The following KCNH1 variants were observed in gnomAD, a reference collection of about 807,000 sequenced individuals.
The protein encoded by KCNH1 is potassium voltage-gated channel subfamily H member 1, also known as voltage-gated delayed rectifier potassium channel KCNH1.
In KCNH1, 27 loss-of-function variants were observed where a neutral mutation model predicts 69.2. The observed-to-expected ratio is 0.39, with a 90% CI of 0.29 to 0.54. The LOEUF is 0.54. Ranked by LOEUF, KCNH1 falls within the 20% of genes least tolerant of loss-of-function variation. KCNH1 has a pLI of 0.68. For synonymous variants in KCNH1, 456 were observed against 487.7 expected (o/e 0.93, Z 0.86); for missense variants, 798 against 1,261.6 (o/e 0.63, Z 5.57).
chr1:210,766,395 C>T (rs1448447669), intron 10 of KCNH1, among the ~76,000 whole-genome samples: 1 of 152,080 alleles, frequency 6.6e-6, no homozygotes, highest in African/African-American at 2.4e-5. Context: ...CATAGTGGCA[C>T]ATGCCTGTAA....
intron 10 of KCNH1, among the ~76,000 whole-genome samples, chr1:210,716,415 G>C (rs1682249763): frequency 8.2e-6 from 1 of 122,106 alleles, no homozygotes; most frequent in South Asian, 2.6e-4. Flanking sequence ...CTGGGCGACA[G>C]AGCAAGACTC....
chr1:211,016,360 T>A (rs1689491212), intron 6 of KCNH1, among the ~76,000 whole-genome samples: 1 of 152,198 alleles, frequency 6.6e-6, no homozygotes, highest in Admixed American at 6.5e-5. Flanking sequence ...CAATTTTTAA[T>A]AAGAATCTGT....
At chr1:210,944,126 G>T (rs1253275894) in intron 6 of KCNH1, among the ~76,000 whole-genome samples, 1 of 152,150 alleles carries the variant, frequency 6.6e-6, no homozygotes, top group Non-Finnish European at 1.5e-5. Context: ...CCTAGCTCGG[G>T]TCACTCTGCA....
At chr1:210,880,030 A>G (rs1686462169) in intron 7 of KCNH1, among the ~76,000 whole-genome samples, 1 of 152,164 alleles carries the variant, frequency 6.6e-6, no homozygotes, top group Non-Finnish European at 1.5e-5. Flanking sequence ...TTATAACTCA[A>G]ACGAATGTGT....
At chr1:210,688,883 A>C (rs1018411562) in intron 10 of KCNH1, among the ~76,000 whole-genome samples, 2 of 152,160 alleles carry the variant, frequency 1.3e-5, no homozygotes, top group Non-Finnish European at 2.9e-5. Flanking sequence ...GTGATAGAAA[A>C]CTACTCTGTT....
chr1:210,806,836 A>AATATATATATATATAT (rs1553346590), intron 7 of KCNH1, among the ~76,000 whole-genome samples: 143 of 85,542 alleles, frequency 1.7e-3, no homozygotes, highest in Admixed American at 3.8e-3. Flanking sequence ...AAAAAAAAAA[A>AATATATATATATATAT]ATATATATAT....
chr1:210,819,988 C>T (rs1684896115), intron 7 of KCNH1, among the ~76,000 whole-genome samples: 1 of 152,216 alleles, frequency 6.6e-6, no homozygotes, highest in Non-Finnish European at 1.5e-5. Flanking sequence ...AGTGGCTCCT[C>T]CAGCCAAATC....
chr1:210,690,217 G>C (rs962540892), intron 10 of KCNH1, among the ~76,000 whole-genome samples: 1 of 150,720 alleles, frequency 6.6e-6, no homozygotes, highest in Non-Finnish European at 1.5e-5. Flanking sequence ...AAGCTGTCTA[G>C]AGTTGGGGTA....
In KCNH1 at chr1:210,685,724, A is replaced by G. The variant is rs555457556; in HGVS notation, c.2113-1586T>C. On this transcript the variant is annotated intron_variant, in intron 10 of 10. Coordinates refer to ENST00000271751, the MANE Select transcript of KCNH1 (RefSeq NM_172362.3). ...GTCCTTGACCTTTCACAGCCCCCAG[A>G]TGAAGATGACAAGCAACTCACCCTA... Among the ~76,000 whole-genome samples the G allele has an allele frequency of 3.5e-4, 24 of 68,306 alleles. 1 individual carries two copies. In the South Asian group the frequency reaches 0.02, roughly 57 times the overall value. 44.8% of individuals were successfully genotyped at this position (68,306 alleles called of 152,430 possible). A position where few individuals can be genotyped will look rare whatever the true frequency, so the allele number is the denominator to read the frequency against.
intron 7 of KCNH1, among the ~76,000 whole-genome samples, chr1:210,902,458 G>T (rs977765899): frequency 6.6e-6 from 1 of 152,200 alleles, no homozygotes; most frequent in African/African-American, 2.4e-5. Flanking sequence ...TGTGCACATG[G>T]TGGTGGGAGG....
intron 10 of KCNH1, among the ~76,000 whole-genome samples, chr1:210,761,691 A>C (rs970927047): frequency 6.6e-6 from 1 of 152,228 alleles, no homozygotes; most frequent in African/African-American, 2.4e-5. Flanking sequence ...CAACAAGAAC[A>C]CTTAACTATC....
At chr1:210,863,932 T>C (rs1354306807) in intron 7 of KCNH1, among the ~76,000 whole-genome samples, 4 of 151,750 alleles carry the variant, frequency 2.6e-5, no homozygotes, top group African/African-American at 9.7e-5. Context: ...CTCCCGATCA[T>C]ACAAGCACAT....
chr1:210,974,725 G>A (rs1374971975), intron 6 of KCNH1, among the ~76,000 whole-genome samples: 5 of 151,764 alleles, frequency 3.3e-5, no homozygotes, highest in African/African-American at 7.3e-5. Flanking sequence ...CACTACGCCC[G>A]GCTAATTTTT....
rs1193364167 is a variant in KCNH1 at position 210,797,545 on chromosome 1, C to G, written c.1878G>C (p.Leu626=). ...CCACCTCATCATCTTGGATCACCTC[C>G]AGGGAGCCAGAAACCACAAAGCAGA... is the stretch of plus-strand genomic sequence containing the variant. The part of the protein sequence containing the change: ...DSLCFVVSGS[L]EVIQDDEVVA... The change falls in exon 9 of 11, where the codon CTG becomes CTC. Residue 626 remains leucine (L), a synonymous_variant. Coordinates refer to ENST00000271751, the MANE Select transcript of KCNH1 (RefSeq NM_172362.3). 4 of 1,614,218 alleles carry G rather than the reference C, an allele frequency of 2.5e-6. No homozygotes were observed. Among genetic ancestry groups the G allele is most frequent in the African/African-American group, 1.3e-5 (1 of 75,072 alleles).
chr1:211,092,416 C>T (rs1004485693), intron 3 of KCNH1, among the ~76,000 whole-genome samples: 11 of 152,202 alleles, frequency 7.2e-5, no homozygotes, highest in Non-Finnish European at 1.0e-4. Flanking sequence ...GTAGACCCAA[C>T]GGAAATGTGT....
intron 6 of KCNH1, among the ~76,000 whole-genome samples, chr1:210,978,675 T>C (rs12136201): frequency 0.059 from 8,915 of 152,260 alleles, 326 homozygotes; most frequent in East Asian, 0.18. Context: ...CCTGTTGAGT[T>C]CCTGTTAACT....
In KCNH1 at chr1:210,678,965, T is replaced by G. The variant is rs1681200997; in HGVS notation, c.*4316A>C. 1 of 152,256 alleles carries G rather than the reference T, an allele frequency of 6.6e-6. No homozygotes were observed. The highest frequency in any genetic ancestry group is 1.5e-5 in the Non-Finnish European group (1 of 68,050). The allele number at this position is 152,256 out of a possible 1,614,324, so 9.4% of individuals were successfully genotyped here. On this transcript the variant is annotated 3_prime_UTR_variant, in exon 11 of 11. Coordinates refer to ENST00000271751, the MANE Select transcript of KCNH1 (RefSeq NM_172362.3). ...AAGTCCAGTTCTAGAGGTTCCAGAA[T>G]AAGTCTGATATGCTTGCATGAGAAT...
chr1:210,893,408 TA>T (rs1473760839), intron 7 of KCNH1, among the ~76,000 whole-genome samples: 5 of 152,076 alleles, frequency 3.3e-5, no homozygotes, highest in Non-Finnish European at 5.9e-5. Flanking sequence ...ACATAGCATA[TA>T]TTTTTTCCTA....
At chr1:211,052,711 T>C (rs1690228503) in intron 5 of KCNH1, among the ~76,000 whole-genome samples, 1 of 152,226 alleles carries the variant, frequency 6.6e-6, no homozygotes, top group Admixed American at 6.5e-5. Context: ...CCAGTGCTAC[T>C]GGATTTAGGA....
Sources: gnomAD v4.1 joint callset for allele counts (sites outside exome capture counted in the v4.1 genomes callset) on GRCh38, gnomAD v4.1.1 for gene constraint, MANE v1.5 for transcripts, NCBI Gene and HGNC (gene_info 2026-07-23, HGNC 2026-07-21) for gene names.